Variants in ANXA10 observed in about 807,000 individuals in gnomAD.
ANXA10 encodes the protein annexin A10, also known as annexin 14.
A neutral mutation model predicts 53.5 loss-of-function variants in ANXA10; 49 were observed. The ratio of observed to expected loss-of-function variants is 0.92; its 90% CI spans 0.73 to 1.16. The LOEUF is 1.16. Ranked by LOEUF, ANXA10 falls within the 50% of genes most tolerant of loss-of-function variation. ANXA10 has a pLI of 0.00. For synonymous variants in ANXA10, 131 were observed against 128.9 expected, an observed-to-expected ratio of 1.02 and a Z score of -0.11; for missense variants, 393 against 394.4, an observed-to-expected ratio of 1.00 and a Z score of 0.03.
intron 11 of ANXA10, among the ~76,000 whole-genome samples, chr4:168,186,981 A>T (rs1036870350): frequency 2.0e-5 from 3 of 152,062 alleles, no homozygotes; most frequent in East Asian, 1.9e-4. Context: ...AATAATTATA[A>T]ATATTTTTAA....
At chr4:168,159,491 T>C (rs1224468150) in intron 3 of ANXA10, among the ~76,000 whole-genome samples, 4 of 152,216 alleles carry the variant, frequency 2.6e-5, no homozygotes, top group African/African-American at 9.6e-5. Context: ...AAGGGCTTGA[T>C]AGATTACATT....
chr4:168,119,111 A>G lies in ANXA10; in HGVS notation c.19-8973A>G, dbSNP rs967368520. Reference sequence around the variant, plus strand: ...TTTCTTCAACAATGTGTAAGATTCTATCTCATAAGTCTTGTTCTCTTCTTA... The same window carrying G: ...TTTCTTCAACAATGTGTAAGATTCTGTCTCATAAGTCTTGTTCTCTTCTTA... On this transcript the variant is annotated intron_variant, in intron 1 of 11. Coordinates refer to ENST00000359299, the MANE Select transcript of ANXA10 (RefSeq NM_007193.5). 2.0e-5 allele frequency among the ~76,000 whole-genome samples: 3 copies of G among 152,242 alleles called. No individual in the cohort carries two copies. In the Middle Eastern group the frequency reaches 0.01, roughly 518 times the overall value.
chr4:168,184,970 C>T (rs1187633234), intron 11 of ANXA10, among the ~76,000 whole-genome samples: 1 of 151,968 alleles, frequency 6.6e-6, no homozygotes. Flanking sequence ...CTGGCTAACA[C>T]GGTGAAACCC....
intron 3 of ANXA10, among the ~76,000 whole-genome samples, chr4:168,158,121 A>C (rs1731721518): frequency 6.6e-6 from 1 of 152,200 alleles, no homozygotes; most frequent in South Asian, 2.1e-4. Context: ...TTTTAATTTT[A>C]GCTGCTCTAG....
At chr4:168,132,177 T>C (rs1018225661) in intron 2 of ANXA10, among the ~76,000 whole-genome samples, 3 of 152,108 alleles carry the variant, frequency 2.0e-5, no homozygotes, top group African/African-American at 7.2e-5. Context: ...ATCTGCATTC[T>C]TGTGTTTGTT....
intron 6 of ANXA10, among the ~76,000 whole-genome samples, chr4:168,171,818 G>A (rs1395932120): frequency 6.6e-6 from 1 of 152,112 alleles, no homozygotes; most frequent in East Asian, 1.9e-4. Context: ...TAGTCACTTA[G>A]AGATTAATTA....
chr4:168,097,551 A>G (rs1268977181), intron 1 of ANXA10, among the ~76,000 whole-genome samples: 1 of 152,104 alleles, frequency 6.6e-6, no homozygotes, highest in Non-Finnish European at 1.5e-5. Context: ...GTGTCTACTC[A>G]TTGAGTAGAA....
chr4:168,185,238 T>A (rs367568580), intron 11 of ANXA10, among the ~76,000 whole-genome samples: 1 of 152,330 alleles, frequency 6.6e-6, no homozygotes, highest in African/African-American at 2.4e-5. Flanking sequence ...CCCAGAAGCA[T>A]TGATGCAGTC....
chr4:168,100,589 CATT>C, intron 1 of ANXA10, among the ~76,000 whole-genome samples: 1 of 152,076 alleles, frequency 6.6e-6, no homozygotes, highest in Admixed American at 6.6e-5. Context: ...TGCTACAACT[CATT>C]ATTATTCTCA....
rs982252912 is a variant in ANXA10 at position 168,105,580 on chromosome 4, A to G, written c.18+12862A>G. Among the ~76,000 whole-genome samples the G allele has an allele frequency of 2.0e-5, 3 of 152,166 alleles. No individual in the cohort carries two copies. The East Asian group carries it at 5.8e-4, about 29-fold the overall frequency. On this transcript the variant is annotated intron_variant, in intron 1 of 11. Transcript: ENST00000359299. ...GTGAATAGTGCTATAGTGAACATAAACATGCATTTGTCTTTATGGTAAAAT... is the reference window on the plus strand; with the variant it reads ...GTGAATAGTGCTATAGTGAACATAAGCATGCATTTGTCTTTATGGTAAAAT...
intron 3 of ANXA10, among the ~76,000 whole-genome samples, chr4:168,153,537 C>T (rs1399529423): frequency 6.9e-6 from 1 of 144,288 alleles, no homozygotes; most frequent in Non-Finnish European, 1.5e-5. Context: ...GCAAAAAATA[C>T]GGGAAAACTG....
chr4:168,121,548 C>G (rs1203645129), intron 1 of ANXA10, among the ~76,000 whole-genome samples: 3 of 152,014 alleles, frequency 2.0e-5, no homozygotes, highest in Non-Finnish European at 4.4e-5. Context: ...GTTTAATTAT[C>G]ATTTAATAAT....
chr4:168,111,675 G>A (rs919098247), intron 1 of ANXA10, among the ~76,000 whole-genome samples: 14 of 152,098 alleles, frequency 9.2e-5, no homozygotes, highest in African/African-American at 2.7e-4. Context: ...ATAAGATAAA[G>A]AATATGGAGG....
intron 1 of ANXA10, among the ~76,000 whole-genome samples, chr4:168,096,926 A>ATATATGTATATATATATATATATGTATG (rs371811709): frequency 7.4e-4 from 96 of 129,916 alleles, no homozygotes; most frequent in Non-Finnish European, 1.3e-3. Flanking sequence ...ATATATATAT[A>ATATATGTATATATATATATATATGTATG]TATGTATGTA....
chr4:168,105,284 T>C (rs1271939879), intron 1 of ANXA10, among the ~76,000 whole-genome samples: 1 of 151,876 alleles, frequency 6.6e-6, no homozygotes, highest in Non-Finnish European at 1.5e-5. Context: ...CTCCCTCCAG[T>C]ATGCCCCAGT....
intron 1 of ANXA10, among the ~76,000 whole-genome samples, chr4:168,117,706 C>T (rs1647402988): frequency 6.6e-6 from 1 of 152,186 alleles, no homozygotes; most frequent in South Asian, 2.1e-4. Context: ...AGACCAAAGA[C>T]TTCCAATATT....
rs1270843694 is a variant in ANXA10, at chr4:168,155,474, A to G, written c.196-7054A>G. ...TATATATTTTATAATATATAATTAT[A>G]AATTATATATTATATAATATATAAT... On this transcript the variant is annotated intron_variant, in intron 3 of 11. Coordinates refer to ENST00000359299, the MANE Select transcript of ANXA10 (RefSeq NM_007193.5). Among the ~76,000 whole-genome samples the G allele has an allele frequency of 1.3e-3, 22 of 16,302 alleles. 5 individuals carry two copies. The highest frequency in any genetic ancestry group is 2.0e-3 in the Non-Finnish European group (19 of 9,680). 10.7% of individuals were successfully genotyped at this position (16,302 alleles called of 152,430 possible). A position where few individuals can be genotyped will look rare whatever the true frequency, so the allele number is the denominator to read the frequency against.
intron 3 of ANXA10, among the ~76,000 whole-genome samples, chr4:168,147,577 CAAAT>C (rs1190238960): frequency 6.6e-6 from 1 of 152,126 alleles, no homozygotes; most frequent in African/African-American, 2.4e-5. Context: ...ACAGAAGAAA[CAAAT>C]AAACATGAAT....
chr4:168,120,833 C>T (rs1350396686), intron 1 of ANXA10, among the ~76,000 whole-genome samples: 1 of 151,996 alleles, frequency 6.6e-6, no homozygotes, highest in Non-Finnish European at 1.5e-5. Context: ...TGTTAAAAAT[C>T]AGTACATTTT....
Sources: gnomAD v4.1 joint callset for allele counts (sites outside exome capture counted in the v4.1 genomes callset) on GRCh38, gnomAD v4.1.1 for gene constraint, MANE v1.5 for transcripts, NCBI Gene and HGNC (gene_info 2026-07-23, HGNC 2026-07-21) for gene names.